Variants in RBFOX1 observed in about 807,000 individuals in gnomAD.
The protein encoded by RBFOX1 is RNA binding fox-1 homolog 1.
RBFOX1 carries 8 observed loss-of-function variants against 57.7 expected under a neutral mutation model. The observed-to-expected ratio is 0.14, with a 90% CI of 0.08 to 0.25. The LOEUF (loss-of-function observed/expected upper bound fraction) is 0.25. Ranked by LOEUF, RBFOX1 falls within the 10% of genes least tolerant of loss-of-function variation. The pLI, the probability that RBFOX1 is intolerant of heterozygous loss-of-function variation, is 1.00. For synonymous variants in RBFOX1, 326 were observed against 222.4 expected, an observed-to-expected ratio of 1.47 and a Z score of -4.15; for missense variants, 611 against 548.5, an observed-to-expected ratio of 1.11 and a Z score of -1.14.
intron 1 of RBFOX1, among the ~76,000 whole-genome samples, chr16:5,383,748 C>T (rs1023408242): frequency 2.6e-5 from 4 of 152,170 alleles, no homozygotes; most frequent in African/African-American, 7.2e-5. Context: ...TATTAGAGGA[C>T]CTCAGCCATT....
At chr16:6,479,258 G>A (rs114540700) in intron 2 of RBFOX1, among the ~76,000 whole-genome samples, 3,091 of 152,216 alleles carry the variant, frequency 0.02, 109 homozygotes, top group African/African-American at 0.071. Context: ...CAATTATGGC[G>A]GAAGAGGAAG....
intron 1 of RBFOX1, among the ~76,000 whole-genome samples, chr16:6,240,208 C>T (rs2097532996): frequency 6.6e-6 from 1 of 152,188 alleles, no homozygotes; most frequent in African/African-American, 2.4e-5. Context: ...CCTATACAGC[C>T]TGCAGAACCT....
chr16:6,549,802 T>G (rs992682710), intron 2 of RBFOX1, among the ~76,000 whole-genome samples: 1 of 151,894 alleles, frequency 6.6e-6, no homozygotes, highest in Non-Finnish European at 1.5e-5. Context: ...GCAAGGGTGG[T>G]TTTCCAAAGT....
At chr16:7,156,726 T>C (rs1194393556) in intron 4 of RBFOX1, among the ~76,000 whole-genome samples, 2 of 152,196 alleles carry the variant, frequency 1.3e-5, no homozygotes, top group Non-Finnish European at 2.9e-5. Flanking sequence ...GGATTCCTTA[T>C]TGATGCATGT....
chr16:5,580,710 C>T (rs1439454525), intron 2 of RBFOX1, among the ~76,000 whole-genome samples: 1 of 152,204 alleles, frequency 6.6e-6, no homozygotes, highest in Non-Finnish European at 1.5e-5. Context: ...TGCCCTGCGT[C>T]TGCACATAGA....
chr16:5,713,858 A>G (rs1258704060), intron 3 of RBFOX1, among the ~76,000 whole-genome samples: 1 of 152,170 alleles, frequency 6.6e-6, no homozygotes, highest in Non-Finnish European at 1.5e-5. Context: ...CTCGATCTGC[A>G]GTGACCTTCT....
rs142180715 is a variant in RBFOX1, at chr16:7,548,649, A to G, written c.270+30260A>G. 1.4e-3 allele frequency among the ~76,000 whole-genome samples: 217 copies of G among 152,306 alleles called. 2 individuals are homozygous for G. Among genetic ancestry groups the G allele is most frequent in the African/African-American group, 4.8e-3 (199 of 41,568 alleles). On this transcript the variant is annotated intron_variant, in intron 5 of 15. Coordinates refer to ENST00000550418, the MANE Select transcript of RBFOX1 (RefSeq NM_018723.4). ...GGGGCAGGAGCGGGGGGGCAGTCAAACAAGTCCAAAGCTTCTCGCCTCCAG... is the reference window on the plus strand; with the variant it reads ...GGGGCAGGAGCGGGGGGGCAGTCAAGCAAGTCCAAAGCTTCTCGCCTCCAG...
intron 3 of RBFOX1, among the ~76,000 whole-genome samples, chr16:5,790,859 A>ATTTTTTTTTTTTTTTTTTTTTTTTTTTT (rs1157751312): frequency 8.9e-6 from 1 of 112,962 alleles, no homozygotes; most frequent in Non-Finnish European, 1.9e-5. Flanking sequence ...GTGGGTCTTT[A>ATTTTTTTTTTTTTTTTTTTTTTTTTTTT]TTTTTTTTTT....
At chr16:6,739,480 C>T (rs557084178) in intron 3 of RBFOX1, among the ~76,000 whole-genome samples, 1 of 125,570 alleles carries the variant, frequency 8.0e-6, no homozygotes, top group Non-Finnish European at 1.7e-5. Context: ...AACATCCCCC[C>T]TCCCCCCACC....
chr16:6,350,623 C>A (rs2086199490), intron 2 of RBFOX1, among the ~76,000 whole-genome samples: 2 of 152,144 alleles, frequency 1.3e-5, no homozygotes, highest in East Asian at 1.9e-4. Flanking sequence ...TATGAAAGAC[C>A]TTTTACTAGT....
At chr16:7,638,340 C>G (rs1487590966) in intron 11 of RBFOX1, among the ~76,000 whole-genome samples, 1 of 152,150 alleles carries the variant, frequency 6.6e-6, no homozygotes, top group Non-Finnish European at 1.5e-5. Flanking sequence ...CGTTAAGAAG[C>G]TTGTCCGAGA....
chr16:5,339,757 C>T (rs1035574123), intron 1 of RBFOX1, among the ~76,000 whole-genome samples: 10 of 151,944 alleles, frequency 6.6e-5, no homozygotes, highest in African/African-American at 2.2e-4. Flanking sequence ...GTGGATCGAG[C>T]AAGTGGGTCA....
intron 3 of RBFOX1, among the ~76,000 whole-genome samples, chr16:5,694,479 A>G (rs547445397): frequency 1.6e-4 from 25 of 152,232 alleles, no homozygotes; most frequent in African/African-American, 5.5e-4. Flanking sequence ...TGAAATCGGT[A>G]GGCATTTCTG....
intron 4 of RBFOX1, among the ~76,000 whole-genome samples, chr16:5,882,468 G>A (rs2057786717): frequency 6.6e-6 from 1 of 152,174 alleles, no homozygotes; most frequent in Non-Finnish European, 1.5e-5. Context: ...CTGCAAGGGT[G>A]CCTGGGAAAT....
At chr16:6,186,084 A>AT (rs1462271953) in intron 1 of RBFOX1, among the ~76,000 whole-genome samples, 40 of 151,950 alleles carry the variant, frequency 2.6e-4, no homozygotes, top group Admixed American at 2.6e-3. Context: ...TTTGAAAAAT[A>AT]TTTTTTTCTG....
intron 11 of RBFOX1, among the ~76,000 whole-genome samples, chr16:7,647,317 T>A (rs914630893): frequency 6.6e-6 from 1 of 152,218 alleles, no homozygotes; most frequent in Non-Finnish European, 1.5e-5. Context: ...ATTTTTAGCT[T>A]ATGAGCTGAA....
At chr16:6,100,003 G>A (rs2096284727) in intron 1 of RBFOX1, among the ~76,000 whole-genome samples, 3 of 152,166 alleles carry the variant, frequency 2.0e-5, no homozygotes, top group Admixed American at 2.0e-4. Flanking sequence ...GATAAAACAA[G>A]ATGCATGGAA....
intron 3 of RBFOX1, among the ~76,000 whole-genome samples, chr16:6,941,970 T>G (rs1215202703): frequency 6.6e-6 from 1 of 152,152 alleles, no homozygotes; most frequent in Non-Finnish European, 1.5e-5. Context: ...GGCTCACACC[T>G]GTAATCCCAG....
At chr16:7,346,550 G>A (rs985427472) in intron 4 of RBFOX1, among the ~76,000 whole-genome samples, 7 of 151,706 alleles carry the variant, frequency 4.6e-5, no homozygotes, top group Non-Finnish European at 8.8e-5. Context: ...GCCCTCCTGT[G>A]TAGAATGCTC....
Sources: gnomAD v4.1 joint callset for allele counts (sites outside exome capture counted in the v4.1 genomes callset) on GRCh38, gnomAD v4.1.1 for gene constraint, MANE v1.5 for transcripts, NCBI Gene and HGNC (gene_info 2026-07-23, HGNC 2026-07-21) for gene names.